Variants in JAM3 observed in about 807,000 individuals in gnomAD.
JAM3 encodes the protein junctional adhesion molecule 3, also known as junctional adhesion molecule C.
In JAM3, 31 loss-of-function variants were observed where a neutral mutation model predicts 39.4. That is an observed-to-expected ratio of 0.79 (90% CI 0.59 to 1.06). JAM3 has a LOEUF of 1.06. Ranked by LOEUF, JAM3 falls within the 50% of genes least tolerant of loss-of-function variation. The pLI, the probability that JAM3 is intolerant of heterozygous loss-of-function variation, is 0.00. For synonymous variants in JAM3, 182 were observed against 148.7 expected (o/e 1.22, Z -1.63); for missense variants, 455 against 391.4 (o/e 1.16, Z -1.37).
chr11:134,102,713 G>A (rs921111476), intron 1 of JAM3, among the ~76,000 whole-genome samples: 5 of 152,226 alleles, frequency 3.3e-5, no homozygotes, highest in South Asian at 4.1e-4. Context: ...ACTACGTGAC[G>A]AATGCACAAG....
chr11:134,124,287 A>G, intron 1 of JAM3: 2 of 910,562 alleles, frequency 2.2e-6, no homozygotes, highest in Non-Finnish European at 3.7e-6. Context: ...AAGAAAACGC[A>G]TGTTCTCACA....
chr11:134,124,905 C>T (rs963843559), intron 1 of JAM3, among the ~76,000 whole-genome samples: 15 of 152,350 alleles, frequency 9.8e-5, no homozygotes, highest in Middle Eastern at 3.4e-3. Flanking sequence ...AAAACGCTGG[C>T]GAGCGGGGAC....
chr11:134,124,252 T>C, intron 1 of JAM3: 1 of 1,086,072 alleles, frequency 9.2e-7, no homozygotes. Context: ...TCGTTGAGAG[T>C]AGCACTGGTA....
At chr11:134,097,108 C>T (rs1170171434) in intron 1 of JAM3, among the ~76,000 whole-genome samples, 1 of 152,100 alleles carries the variant, frequency 6.6e-6, no homozygotes, top group Admixed American at 6.6e-5. Context: ...TTCTTGTCCC[C>T]TCCACACCCC....
intron 1 of JAM3, among the ~76,000 whole-genome samples, chr11:134,122,225 C>G (rs879460089): frequency 1.3e-5 from 2 of 152,176 alleles, no homozygotes; most frequent in Non-Finnish European, 2.9e-5. Flanking sequence ...CCGGTCTGTT[C>G]CTACTGGCCT....
At position 134,148,895 on chromosome 11, in the gene JAM3, T is replaced by C; in HGVS notation, c.897+77T>C. On this transcript the variant is annotated intron_variant, in intron 8 of 8. Transcript: ENST00000299106. ...CATTCCCCCTTGGAAACCACACGGGTCTCCTGGGAAGATTTCTGAGTGATT... is the reference window on the plus strand; with the variant it reads ...CATTCCCCCTTGGAAACCACACGGGCCTCCTGGGAAGATTTCTGAGTGATT... 5 of 1,464,848 alleles carry C rather than the reference T, an allele frequency of 3.4e-6. No individual in the cohort carries two copies. In the Middle Eastern group the frequency reaches 8.9e-4, roughly 260 times the overall value. 90.7% of individuals were successfully genotyped at this position (1,464,848 alleles called of 1,614,324 possible). A position where few individuals can be genotyped will look rare whatever the true frequency, so the allele number is the denominator to read the frequency against.
At position 134,146,136 on chromosome 11, in the gene JAM3, C is replaced by G. The variant is rs369456826; in HGVS notation, c.712+91C>G. The G allele has an allele frequency of 1.5e-5, 14 of 906,816 alleles. No individual in the cohort carries two copies. In the South Asian group the frequency reaches 1.9e-4, roughly 13 times the overall value. 56.2% of individuals were successfully genotyped at this position (906,816 alleles called of 1,614,324 possible). ...TATTATACCATCAGCTTAGAGAACT[C>G]TTCCGCCATGGGTTAGCTTTCTTCT... is the stretch of plus-strand genomic sequence containing the variant. On this transcript the variant is annotated intron_variant, in intron 6 of 8. Coordinates refer to ENST00000299106, the MANE Select transcript of JAM3 (RefSeq NM_032801.5).
chr11:134,143,797 T>C (rs1027790542), intron 3 of JAM3, among the ~76,000 whole-genome samples: 3 of 152,266 alleles, frequency 2.0e-5, no homozygotes, highest in Non-Finnish European at 4.4e-5. Flanking sequence ...AAGAGTTTTA[T>C]AGTTTTAACT....
Position 134,149,648 on chromosome 11 carries a change from T to G in JAM3, c.*467T>G, listed in dbSNP as rs1405743432. ...AGAAAAGGCTTCTTACACAGCAGCC[T>G]TACTTCATCGGCCCACAGACACCAC... On this transcript the variant is annotated 3_prime_UTR_variant, in exon 9 of 9. Transcript: ENST00000299106. 2.2e-6 allele frequency: 1 copy of G among 458,380 alleles called. No individual in the cohort carries two copies. Among genetic ancestry groups the G allele is most frequent in the Non-Finnish European group, 4.4e-6 (1 of 228,512 alleles). 28.4% of individuals were successfully genotyped at this position (458,380 alleles called of 1,614,324 possible).
At chr11:134,134,693 AATC>A (rs1162113164) in intron 1 of JAM3, among the ~76,000 whole-genome samples, 5 of 152,172 alleles carry the variant, frequency 3.3e-5, no homozygotes, top group Non-Finnish European at 5.9e-5. Flanking sequence ...CTTTAAAAGA[AATC>A]ATAACCATCC....
chr11:134,087,594 C>T (rs470481), intron 1 of JAM3, among the ~76,000 whole-genome samples: 68,038 of 151,998 alleles, frequency 0.45, 18,151 homozygotes, highest in African/African-American at 0.76. Flanking sequence ...TCTCTTCTTA[C>T]GTATACAGGT....
intron 1 of JAM3, among the ~76,000 whole-genome samples, chr11:134,127,967 C>G (rs1942683946): frequency 6.6e-6 from 1 of 152,082 alleles, no homozygotes; most frequent in Admixed American, 6.5e-5. Context: ...TGTTGGGAAC[C>G]AAGTGCCTCT....
chr11:134,124,432 A>G, intron 1 of JAM3: 1 of 552,106 alleles, frequency 1.8e-6, no homozygotes, highest in Non-Finnish European at 3.2e-6. Flanking sequence ...AAAGACCACT[A>G]AAATGCCTAT....
intron 1 of JAM3, among the ~76,000 whole-genome samples, chr11:134,130,764 A>C (rs1942754771): frequency 2.6e-5 from 4 of 152,204 alleles, no homozygotes; most frequent in Admixed American, 2.0e-4. Flanking sequence ...CTCAAACCGG[A>C]GGGAACAGAG....
intron 1 of JAM3, among the ~76,000 whole-genome samples, chr11:134,119,376 C>T (rs909147245): frequency 6.6e-6 from 1 of 152,152 alleles, no homozygotes; most frequent in Non-Finnish European, 1.5e-5. Context: ...CTTTTAGGAT[C>T]GCCACTGGAA....
intron 8 of JAM3, 41 bp from the exon 9 acceptor site, chr11:134,149,105 C>T: frequency 1.2e-6 from 2 of 1,613,102 alleles, no homozygotes; most frequent in Non-Finnish European, 1.7e-6. Context: ...CTGCTTGCCA[C>T]CAGGCCCCTT....
chr11:134,106,332 A>G (rs1942185517), intron 1 of JAM3, among the ~76,000 whole-genome samples: 1 of 152,070 alleles, frequency 6.6e-6, no homozygotes, highest in African/African-American at 2.4e-5. Context: ...CTTACACCTT[A>G]TACAAAAATT....
At chr11:134,099,902 G>A (rs1436682127) in intron 1 of JAM3, among the ~76,000 whole-genome samples, 2 of 152,144 alleles carry the variant, frequency 1.3e-5, no homozygotes, top group Admixed American at 6.5e-5. Flanking sequence ...ACCGCGCCCG[G>A]CTTGCTTCCT....
At chr11:134,119,723 C>G (rs1016143090) in intron 1 of JAM3, among the ~76,000 whole-genome samples, 2 of 152,140 alleles carry the variant, frequency 1.3e-5, no homozygotes, top group African/African-American at 4.8e-5. Context: ...TTATGGAGGG[C>G]AGTCTGCTTT....
Sources: allele counts gnomAD v4.1 joint callset (sites outside exome capture counted in the v4.1 genomes callset), GRCh38; gene constraint gnomAD v4.1.1; transcripts MANE v1.5; gene names NCBI Gene and HGNC (gene_info 2026-07-23, HGNC 2026-07-21).